Variants in PDZK1IP1 observed in about 807,000 individuals in gnomAD.
PDZK1IP1 encodes the protein PDZK1 interacting protein 1, also known as PDZK1-interacting protein 1.
In PDZK1IP1, 9 loss-of-function variants were observed where a neutral mutation model predicts 14.7. The ratio of observed to expected loss-of-function variants is 0.61; its 90% CI spans 0.37 to 1.07. PDZK1IP1 has a LOEUF of 1.07. PDZK1IP1 is among the 50% of genes least tolerant of loss of function. PDZK1IP1 has a pLI of 0.01. For missense variants in PDZK1IP1, 152 were observed against 148.7 expected (o/e 1.02, Z -0.11); for synonymous variants, 70 against 61.2 (o/e 1.14, Z -0.67).
chr1:47,184,007 G>A lies in PDZK1IP1; in HGVS notation c.309C>T (p.Pro103=), dbSNP rs767138184. 2.1e-5 allele frequency: 33 copies of A among 1,598,080 alleles called. No homozygotes were observed. The highest frequency in any genetic ancestry group is 4.0e-5 in the African/African-American group (3 of 74,666). The part of the protein sequence containing the change: ...SEHENAYENV[P]EEEGKVRSTP... ...TGCTGCGGACCTTGCCTTCCTCCTC[G>A]GGCACATTCTCATAGGCATTCTCAT... Residue 103 remains proline (P), a synonymous_variant, in exon 4 of 4, where the codon CCC becomes CCT. Transcript: ENST00000294338.
At chr1:47,184,766 C>A (rs890093914) in intron 3 of PDZK1IP1, among the ~76,000 whole-genome samples, 1 of 150,564 alleles carries the variant, frequency 6.6e-6, no homozygotes, top group African/African-American at 2.5e-5. Flanking sequence ...GAGTCCCCTC[C>A]CCTACGCTGA....
At chr1:47,187,655 A>G (rs1338233568) in intron 1 of PDZK1IP1, among the ~76,000 whole-genome samples, 1 of 152,238 alleles carries the variant, frequency 6.6e-6, no homozygotes, top group Non-Finnish European at 1.5e-5. Context: ...TGGAGGAACA[A>G]CAGAGGCTCA....
chr1:47,186,702 C>T (rs947376689), intron 2 of PDZK1IP1, among the ~76,000 whole-genome samples: 1 of 152,192 alleles, frequency 6.6e-6, no homozygotes, highest in Middle Eastern at 3.2e-3. Context: ...TGTACCCTTC[C>T]CTCAACTGCA....
At chr1:47,188,472 G>A (rs929218649) in intron 1 of PDZK1IP1, among the ~76,000 whole-genome samples, 4 of 152,240 alleles carry the variant, frequency 2.6e-5, no homozygotes, top group African/African-American at 4.8e-5. Flanking sequence ...CCTCAGCGGG[G>A]AGAAGTCCCA....
chr1:47,187,544 C>T, intron 1 of PDZK1IP1, 117 bp from the exon 2 acceptor site: 1 of 771,800 alleles, frequency 1.3e-6, no homozygotes. Flanking sequence ...CAGCCAGCTG[C>T]CAGGAGCAAG....
chr1:47,185,941 G>A (rs369302671), intron 2 of PDZK1IP1, among the ~76,000 whole-genome samples: 16 of 151,832 alleles, frequency 1.1e-4, no homozygotes, highest in Non-Finnish European at 2.9e-5. Context: ...CTCTTCCACC[G>A]CTGCCGTGCA....
Sources: gnomAD v4.1 joint callset for allele counts (sites outside exome capture counted in the v4.1 genomes callset) on GRCh38, gnomAD v4.1.1 for gene constraint, MANE v1.5 for transcripts, NCBI Gene and HGNC (gene_info 2026-07-23, HGNC 2026-07-21) for gene names.